RBPJ: variants seen among roughly 807,000 people sequenced by gnomAD.
RBPJ encodes the protein recombination signal binding protein for immunoglobulin kappa J region.
RBPJ carries 9 observed loss-of-function variants against 67.8 expected under a neutral mutation model. That is an observed-to-expected ratio of 0.13 (90% CI 0.08 to 0.23). The LOEUF (loss-of-function observed/expected upper bound fraction) is 0.23, where lower values mean the gene tolerates loss of function less well. RBPJ is among the 10% of genes least tolerant of loss of function. The pLI, the probability that RBPJ is intolerant of heterozygous loss-of-function variation, is 1.00. For missense variants in RBPJ, 305 were observed against 595.6 expected, an observed-to-expected ratio of 0.51 and a Z score of 5.08; for synonymous variants, 198 against 203.3, an observed-to-expected ratio of 0.97 and a Z score of 0.22.
the RBPJ span, among the ~76,000 whole-genome samples, chr4:26,149,066 C>T: frequency 1.5e-4 from 23 of 152,332 alleles, no homozygotes; most frequent in Non-Finnish European, 2.8e-4. Flanking sequence ...CCCTCACTGG[C>T]CCTGCCATGA....
upstream of RBPJ, chr4:26,319,925 G>T: frequency 6.4e-7 from 1 of 1,571,258 alleles, no homozygotes; most frequent in African/African-American, 1.4e-5. Flanking sequence ...CCTTCACCCT[G>T]CTGTTCCATG....
intron 1 of RBPJ, among the ~76,000 whole-genome samples, chr4:26,230,754 A>T (rs1489289462): frequency 2.0e-5 from 3 of 152,162 alleles, no homozygotes; most frequent in African/African-American, 4.8e-5. Flanking sequence ...TTTTTTTTCA[A>T]ATAACCATTA....
At chr4:26,378,582 C>T (rs960917334) in intron 1 of RBPJ, among the ~76,000 whole-genome samples, 2 of 152,146 alleles carry the variant, frequency 1.3e-5, no homozygotes, top group Non-Finnish European at 2.9e-5. Context: ...CTGAGGGTGG[C>T]TGCAGTTGAT....
At position 26,423,442 on chromosome 4, in the gene RBPJ, A is replaced by G. The variant is rs1735341710; in HGVS notation, c.497-900A>G. On this transcript the variant is annotated intron_variant, in intron 5 of 10. Transcript: ENST00000355476. ...AAGGACAAATACTAGTTGATTGCTC[A>G]GAGCAGCCTGCTTAAAAGTATGGTC... Among the ~76,000 whole-genome samples, 2 of 152,252 alleles carry G rather than the reference A, an allele frequency of 1.3e-5. 1 individual carries two copies. Among genetic ancestry groups the G allele is most frequent in the South Asian group, 4.1e-4 (2 of 4,832 alleles).
At chr4:26,109,543 G>C in the RBPJ span, among the ~76,000 whole-genome samples, 7 of 104,158 alleles carry the variant, frequency 6.7e-5, no homozygotes, top group East Asian at 1.9e-3. Context: ...TATAGCCACT[G>C]TGCCTGTCCA....
intron 1 of RBPJ, 61 bp from the exon 2 acceptor site, chr4:26,386,292 T>C: frequency 8.4e-7 from 1 of 1,189,250 alleles, no homozygotes; most frequent in Non-Finnish European, 1.2e-6. Flanking sequence ...CCTGAAAAGC[T>C]TTCTGTAGAG....
chr4:26,420,435 C>A, intron 4 of RBPJ, 116 bp from the exon 5 acceptor site: 1 of 595,758 alleles, frequency 1.7e-6, no homozygotes, highest in Non-Finnish European at 2.7e-6. Context: ...TTGGTTTTAT[C>A]AGCTATCCCT....
intron 1 of RBPJ, among the ~76,000 whole-genome samples, chr4:26,310,483 T>C (rs1722391780): frequency 6.6e-6 from 1 of 152,208 alleles, no homozygotes; most frequent in Non-Finnish European, 1.5e-5. Context: ...CAAGAAACCT[T>C]GCTTTGTATT....
At chr4:26,263,239 G>C (rs1039922626) in intron 1 of RBPJ, among the ~76,000 whole-genome samples, 1 of 152,148 alleles carries the variant, frequency 6.6e-6, no homozygotes, top group Non-Finnish European at 1.5e-5. Flanking sequence ...TACCGTCCAG[G>C]TTGTCAGAGC....
intron 1 of RBPJ, chr4:26,384,048 CAG>C (rs1730571801): frequency 1.3e-5 from 2 of 152,074 alleles, no homozygotes; most frequent in Admixed American, 6.6e-5. Context: ...TTTGTAGAGA[CAG>C]GGTTTCACCA....
intron 2 of RBPJ, among the ~76,000 whole-genome samples, chr4:26,394,022 A>T (rs1448248817): frequency 7.4e-6 from 1 of 135,396 alleles, no homozygotes; most frequent in African/African-American, 2.7e-5. Context: ...GTTACTATGG[A>T]TTCATTTTTT....
chr4:26,268,673 TC>T (rs779926796), intron 1 of RBPJ, among the ~76,000 whole-genome samples: 1 of 152,076 alleles, frequency 6.6e-6, no homozygotes, highest in Non-Finnish European at 1.5e-5. Context: ...TTTTTTTTTT[TC>T]CTCTCTCACA....
At chr4:26,223,036 T>C (rs1718966465) in intron 1 of RBPJ, among the ~76,000 whole-genome samples, 1 of 150,942 alleles carries the variant, frequency 6.6e-6, no homozygotes, top group South Asian at 2.1e-4. Context: ...GCACCTGTAA[T>C]CCCAGCTACT....
intron 1 of RBPJ, among the ~76,000 whole-genome samples, chr4:26,344,021 G>C (rs1170042840): frequency 6.6e-6 from 1 of 151,730 alleles, no homozygotes; most frequent in African/African-American, 2.4e-5. Flanking sequence ...AAAGTGCTGG[G>C]ATTACAGGCC....
chr4:26,220,542 C>T (rs1303206730), intron 1 of RBPJ, among the ~76,000 whole-genome samples: 21 of 152,132 alleles, frequency 1.4e-4, no homozygotes, highest in Admixed American at 7.2e-4. Flanking sequence ...TGGTGGGTTT[C>T]GGTTACTTTG....
chr4:26,177,131 T>G (rs1428160907), intron 1 of RBPJ, among the ~76,000 whole-genome samples: 1 of 152,154 alleles, frequency 6.6e-6, no homozygotes, highest in African/African-American at 2.4e-5. Flanking sequence ...CTCCTAGATA[T>G]TCATAAGCCT....
intron 1 of RBPJ, among the ~76,000 whole-genome samples, chr4:26,333,838 C>T (rs1724506063): frequency 6.6e-6 from 1 of 152,090 alleles, no homozygotes; most frequent in South Asian, 2.1e-4. Context: ...TACAGGCTTG[C>T]ACTACCATGC....
intron 1 of RBPJ, among the ~76,000 whole-genome samples, chr4:26,169,249 G>C (rs952103159): frequency 2.6e-5 from 4 of 152,068 alleles, no homozygotes; most frequent in African/African-American, 9.7e-5. Context: ...ATGGGTTTTT[G>C]GTGTGGATGT....
At chr4:26,272,643 C>T (rs1472902325) in intron 1 of RBPJ, 1 of 448,716 alleles carries the variant, frequency 2.2e-6, no homozygotes, top group South Asian at 1.6e-5. Flanking sequence ...GATGAACTTG[C>T]ATTTTGTCTT....
Sources: allele counts gnomAD v4.1 joint callset (sites outside exome capture counted in the v4.1 genomes callset), GRCh38; gene constraint gnomAD v4.1.1; transcripts MANE v1.5; gene names NCBI Gene and HGNC (gene_info 2026-07-23, HGNC 2026-07-21).